Variants in NCKAP5 observed in about 807,000 individuals in gnomAD.
The protein encoded by NCKAP5 is NCK associated protein 5.
NCKAP5 carries 92 observed loss-of-function variants against 167.0 expected under a neutral mutation model. That is an observed-to-expected ratio of 0.55 (90% CI 0.47 to 0.66). NCKAP5 has a LOEUF of 0.66. Ranked by LOEUF, NCKAP5 falls within the 30% of genes least tolerant of loss-of-function variation. The probability of loss-of-function intolerance (pLI) is 0.00; values close to 1 mark genes in which losing one functional copy is unlikely to be tolerated. For synonymous variants in NCKAP5, 891 were observed against 877.4 expected (o/e 1.02, Z -0.27); for missense variants, 2,378 against 2,315.0 (o/e 1.03, Z -0.56).
At chr2:133,238,750 G>A (rs950900698) in intron 4 of NCKAP5, among the ~76,000 whole-genome samples, 1 of 152,170 alleles carries the variant, frequency 6.6e-6, no homozygotes, top group African/African-American at 2.4e-5. Flanking sequence ...ATGAAGACAT[G>A]TTCCACAGGT....
the NCKAP5 span, among the ~76,000 whole-genome samples, chr2:133,659,069 A>G: frequency 1.3e-5 from 2 of 152,130 alleles, no homozygotes; most frequent in African/African-American, 4.8e-5. Flanking sequence ...CCTGGCATAT[A>G]GTAGATGTTA....
chr2:132,823,094 G>A (rs1003903908), intron 11 of NCKAP5, among the ~76,000 whole-genome samples: 62 of 152,234 alleles, frequency 4.1e-4, no homozygotes, highest in African/African-American at 1.5e-3. Flanking sequence ...TGATGTCCCT[G>A]AGGAAGAGAA....
At chr2:132,840,367 C>T (rs1688217299) in intron 11 of NCKAP5, among the ~76,000 whole-genome samples, 1 of 151,584 alleles carries the variant, frequency 6.6e-6, no homozygotes, top group African/African-American at 2.4e-5. Flanking sequence ...CCTCCACCTC[C>T]CGGGTTCAAG....
the NCKAP5 span, among the ~76,000 whole-genome samples, chr2:133,654,301 C>G: frequency 6.6e-6 from 1 of 151,882 alleles, no homozygotes; most frequent in East Asian, 1.9e-4. Flanking sequence ...TCACTTGAAC[C>G]CAGGAGGCTG....
the NCKAP5 span, among the ~76,000 whole-genome samples, chr2:133,666,354 T>G: frequency 6.6e-6 from 1 of 151,784 alleles, no homozygotes; most frequent in Admixed American, 6.6e-5. Context: ...GCCACCACCA[T>G]GCCCGGCTAA....
At chr2:133,603,288 G>A in the NCKAP5 span, among the ~76,000 whole-genome samples, 539 of 148,318 alleles carry the variant, frequency 3.6e-3, 6 homozygotes, top group African/African-American at 0.013. Flanking sequence ...GTGCGATGGC[G>A]CAATCTCAAA....
chr2:132,920,575 G>A (rs1040924030), intron 8 of NCKAP5, among the ~76,000 whole-genome samples: 2 of 148,708 alleles, frequency 1.3e-5, no homozygotes, highest in Admixed American at 1.4e-4. Context: ...GGGGTGCTGT[G>A]TGTTGACTTT....
chr2:133,192,467 G>T (rs1353948770), intron 5 of NCKAP5, among the ~76,000 whole-genome samples: 1 of 151,934 alleles, frequency 6.6e-6, no homozygotes, highest in Non-Finnish European at 1.5e-5. Context: ...ATGTAAATCA[G>T]TTATACACTG....
At chr2:133,235,867 G>A (rs550844402) in intron 4 of NCKAP5, among the ~76,000 whole-genome samples, 8 of 149,792 alleles carry the variant, frequency 5.3e-5, no homozygotes, top group East Asian at 2.0e-4. Flanking sequence ...TTGTGCCATC[G>A]CACTCCAGCC....
chr2:133,341,782 C>T (rs1683603875), intron 3 of NCKAP5, among the ~76,000 whole-genome samples: 1 of 152,182 alleles, frequency 6.6e-6, no homozygotes, highest in Admixed American at 6.5e-5. Context: ...CTTTACATTT[C>T]CAGCACCTGG....
the NCKAP5 span, among the ~76,000 whole-genome samples, chr2:133,592,584 C>A: frequency 3.3e-5 from 5 of 152,322 alleles, no homozygotes; most frequent in South Asian, 6.2e-4. Context: ...AATTTGATAT[C>A]ATGAAGAGCA....
intron 11 of NCKAP5, among the ~76,000 whole-genome samples, chr2:132,799,829 T>G (rs1410265349): frequency 6.6e-6 from 1 of 152,210 alleles, no homozygotes; most frequent in Non-Finnish European, 1.5e-5. Context: ...GCATGTGATG[T>G]TTTGATACAG....
At chr2:133,092,747 G>A (rs537457267) in intron 6 of NCKAP5, among the ~76,000 whole-genome samples, 10 of 152,252 alleles carry the variant, frequency 6.6e-5, no homozygotes, top group South Asian at 2.1e-4. Context: ...CCACTGGTAC[G>A]TTTTATGGTT....
intron 6 of NCKAP5, among the ~76,000 whole-genome samples, chr2:133,047,675 G>A (rs1222321135): frequency 1.3e-5 from 2 of 152,092 alleles, no homozygotes; most frequent in African/African-American, 4.8e-5. Context: ...AATTTTAATT[G>A]TTTAAAATTT....
At chr2:132,983,231 T>C (rs1382289444) in intron 7 of NCKAP5, among the ~76,000 whole-genome samples, 1 of 152,206 alleles carries the variant, frequency 6.6e-6, no homozygotes, top group Non-Finnish European at 1.5e-5. Context: ...GTTTCCTAGG[T>C]ACAGAAGCAT....
intron 4 of NCKAP5, among the ~76,000 whole-genome samples, chr2:133,276,510 C>T (rs1311836620): frequency 6.6e-6 from 1 of 151,684 alleles, no homozygotes; most frequent in East Asian, 1.9e-4. Flanking sequence ...TTGGAAAATA[C>T]ATTTACCAAA....
intron 3 of NCKAP5, among the ~76,000 whole-genome samples, chr2:133,502,887 T>C (rs57934931): frequency 0.27 from 40,941 of 152,074 alleles, 6,285 homozygotes; most frequent in East Asian, 0.51. Context: ...GGGAGTGAGG[T>C]GGCTCCCTGC....
At chr2:133,044,347 CA>C (rs1360116719) in intron 6 of NCKAP5, among the ~76,000 whole-genome samples, 1 of 151,848 alleles carries the variant, frequency 6.6e-6, no homozygotes, top group Non-Finnish European at 1.5e-5. Context: ...TGCATATAAC[CA>C]AAAAAGGACT....
intron 3 of NCKAP5, among the ~76,000 whole-genome samples, chr2:133,379,172 C>T (rs2150941906): frequency 6.6e-6 from 1 of 152,316 alleles, no homozygotes; most frequent in East Asian, 1.9e-4. Flanking sequence ...CATGAATTCA[C>T]ATTCCACCTT....
Sources: gnomAD v4.1 joint callset for allele counts (sites outside exome capture counted in the v4.1 genomes callset) on GRCh38, gnomAD v4.1.1 for gene constraint, MANE v1.5 for transcripts, NCBI Gene and HGNC (gene_info 2026-07-23, HGNC 2026-07-21) for gene names.